Variants in TLN2 observed in about 807,000 individuals in gnomAD.
The protein encoded by TLN2 is talin-2.
Under a neutral mutation model 294.7 loss-of-function variants are expected in TLN2, and 118 were observed. The ratio of observed to expected loss-of-function variants is 0.40; its 90% CI spans 0.34 to 0.47. The LOEUF is 0.47. Among genes scored for constraint, TLN2 ranks in the 20% least tolerant of loss-of-function variants. The pLI is 0.84. For missense variants in TLN2, 3,083 were observed against 3,282.2 expected (o/e 0.94, Z 1.48); for synonymous variants, 1,431 against 1,304.5 (o/e 1.10, Z -2.09).
chr15:62,646,393 T>A (rs1027801906), intron 3 of TLN2, among the ~76,000 whole-genome samples: 2 of 152,002 alleles, frequency 1.3e-5, no homozygotes, highest in Admixed American at 1.3e-4. Context: ...AACTCCTGAG[T>A]TCAAGTGATC....
intron 13 of TLN2, among the ~76,000 whole-genome samples, chr15:62,693,582 A>T (rs559654503): frequency 7.0e-6 from 1 of 142,870 alleles, no homozygotes; most frequent in African/African-American, 2.6e-5. Flanking sequence ...TGAGGGGCCA[A>T]AAATGATCTT....
At chr15:62,555,734 C>A (rs2042566823) in intron 1 of TLN2, among the ~76,000 whole-genome samples, 1 of 152,132 alleles carries the variant, frequency 6.6e-6, no homozygotes, top group Non-Finnish European at 1.5e-5. Flanking sequence ...ATGTGTCAAA[C>A]AGTTTGCTCT....
At chr15:62,807,090 G>A (rs904308549) in intron 51 of TLN2, among the ~76,000 whole-genome samples, 4 of 152,102 alleles carry the variant, frequency 2.6e-5, no homozygotes, top group African/African-American at 9.7e-5. Context: ...GAAAGATTCC[G>A]CTTTCACACA....
chr15:62,769,033 CAGCCATGCTACCTCCATGGGGG>C (rs1277068201), intron 41 of TLN2, among the ~76,000 whole-genome samples: 1 of 152,224 alleles, frequency 6.6e-6, no homozygotes, highest in African/African-American at 2.4e-5. Flanking sequence ...CTTCATGGCC[CAGCCATGCTACCTCCATGGGGG>C]AGCCGGGCTC....
intron 1 of TLN2, among the ~76,000 whole-genome samples, chr15:62,405,917 G>A (rs941217537): frequency 6.6e-6 from 1 of 152,232 alleles, no homozygotes; most frequent in African/African-American, 2.4e-5. Context: ...AATGGAGCCT[G>A]CAGCAATGCC....
At chr15:62,800,544 A>G in intron 49 of TLN2, 51 bp downstream of exon 49, 1 of 1,611,438 alleles carries the variant, frequency 6.2e-7, no homozygotes, top group South Asian at 1.1e-5. Flanking sequence ...CTTCTCACTT[A>G]AAGGAAGGAG....
intron 39 of TLN2, chr15:62,763,165 G>A (rs953625957): frequency 6.4e-6 from 1 of 157,104 alleles, no homozygotes; most frequent in Non-Finnish European, 1.4e-5. Flanking sequence ...TGACTAGTAT[G>A]CAATGTAGAA....
chr15:62,650,144 C>T lies in TLN2; in HGVS notation c.197C>T (p.Ala66Val), dbSNP rs143610133. The change falls in exon 5 of 59, where the codon GCG (alanine) becomes GTG (valine). Residue 66 changes from alanine (A) to valine (V), a missense_variant. Physicochemically the swap from Ala to Val is moderately conservative, Grantham distance 64 (BLOSUM62 0). Transcript: ENST00000636159. ...CCGAGGAAAGGGATTTGGCTGGAAG[C>T]GGGCAGAACACTGGATTACTACATG... ...EDPRKGIWLE[A>V]GRTLDYYMLR... The T allele has an allele frequency of 1.1e-5, 18 of 1,614,024 alleles. No individual in the cohort carries two copies. Among genetic ancestry groups the T allele is most frequent in the South Asian group, 9.9e-5 (9 of 91,080 alleles).
rs780346388 is a variant in TLN2 at position 62,722,721 on chromosome 15, G to A, written c.3126+234G>A. On this transcript the variant is annotated intron_variant, in intron 26 of 58. Coordinates refer to ENST00000636159, the MANE Select transcript of TLN2 (RefSeq NM_015059.3). ...GCCTTTCGTTGAACTATTTTGAGTTGTGTACTTCCTCCTCCTCCTCCTCTT... is the reference window on the plus strand; with the variant it reads ...GCCTTTCGTTGAACTATTTTGAGTTATGTACTTCCTCCTCCTCCTCCTCTT... Among the ~76,000 whole-genome samples the A allele has an allele frequency of 5.9e-5, 9 of 152,274 alleles. 1 individual carries two copies. In the Middle Eastern group the frequency reaches 0.024, roughly 403 times the overall value.
chr15:62,701,315 G>A (rs2058706810), intron 17 of TLN2, 101 bp downstream of exon 17: 1 of 1,008,480 alleles, frequency 9.9e-7, no homozygotes, highest in Non-Finnish European at 1.4e-6. Context: ...TGAAACAATA[G>A]ACTTTATATT....
At chr15:62,680,935 T>G (rs1225792257) in intron 11 of TLN2, among the ~76,000 whole-genome samples, 2 of 152,212 alleles carry the variant, frequency 1.3e-5, no homozygotes, top group African/African-American at 2.4e-5. Context: ...CTGAGTAGTA[T>G]TCCATGGTGT....
chr15:62,561,570 G>A (rs2042959406), intron 1 of TLN2: 1 of 152,276 alleles, frequency 6.6e-6, no homozygotes, highest in Admixed American at 6.5e-5. Flanking sequence ...GAAAGCTAGT[G>A]CAGGAGCCTG....
At chr15:62,810,678 T>A (rs535514992) in intron 52 of TLN2, among the ~76,000 whole-genome samples, 1 of 152,238 alleles carries the variant, frequency 6.6e-6, no homozygotes, top group East Asian at 1.9e-4. Flanking sequence ...CGTGACTCGC[T>A]ACAAACCCTA....
intron 1 of TLN2, among the ~76,000 whole-genome samples, chr15:62,519,242 C>T (rs1365806737): frequency 2.6e-5 from 4 of 152,236 alleles, no homozygotes; most frequent in East Asian, 1.9e-4. Flanking sequence ...TAGACATTTC[C>T]CCAGCAATTG....
intron 2 of TLN2, among the ~76,000 whole-genome samples, chr15:62,600,193 C>G (rs2046872497): frequency 1.3e-5 from 2 of 152,136 alleles, no homozygotes; most frequent in Admixed American, 1.3e-4. Context: ...AGAATGAAGT[C>G]TTGAAGAGGG....
chr15:62,527,777 G>GA (rs2040820545), intron 1 of TLN2, among the ~76,000 whole-genome samples: 1 of 152,158 alleles, frequency 6.6e-6, no homozygotes, highest in Admixed American at 6.5e-5. Flanking sequence ...GTCTCAAGGG[G>GA]AAAAATGCTT....
intron 1 of TLN2, among the ~76,000 whole-genome samples, chr15:62,505,815 T>C (rs1269288522): frequency 6.6e-6 from 1 of 152,196 alleles, no homozygotes; most frequent in African/African-American, 2.4e-5. Flanking sequence ...TTTGACCTTG[T>C]CTGCCTCTAT....
At chr15:62,464,416 C>G (rs984388065) in intron 1 of TLN2, among the ~76,000 whole-genome samples, 1 of 151,976 alleles carries the variant, frequency 6.6e-6, no homozygotes, top group African/African-American at 2.4e-5. Flanking sequence ...CACACTGGGG[C>G]CTGTTGTGGG....
intron 1 of TLN2, among the ~76,000 whole-genome samples, chr15:62,427,725 C>T (rs1300095532): frequency 1.3e-5 from 2 of 152,166 alleles, no homozygotes; most frequent in Non-Finnish European, 2.9e-5. Flanking sequence ...GCAGTTTCTG[C>T]TCCCTGGCCA....
Sources: allele counts gnomAD v4.1 joint callset (sites outside exome capture counted in the v4.1 genomes callset), GRCh38; gene constraint gnomAD v4.1.1; transcripts MANE v1.5; gene names NCBI Gene and HGNC (gene_info 2026-07-23, HGNC 2026-07-21).